Variants in SRGAP2B observed in about 807,000 individuals in gnomAD.
The protein encoded by SRGAP2B is SLIT-ROBO Rho GTPase-activating protein 2B.
In SRGAP2B, 9 loss-of-function variants were observed where a neutral mutation model predicts 22.2. That is an observed-to-expected ratio of 0.41 (90% CI 0.24 to 0.71). The LOEUF is 0.71. Among genes scored for constraint, SRGAP2B ranks in the 30% least tolerant of loss-of-function variants. The probability of loss-of-function intolerance (pLI) is 0.35; values close to 1 mark genes in which losing one functional copy is unlikely to be tolerated. For synonymous variants in SRGAP2B, 36 were observed against 87.4 expected, an observed-to-expected ratio of 0.41 and a Z score of 3.28; for missense variants, 114 against 235.8, an observed-to-expected ratio of 0.48 and a Z score of 3.38.
At chr1:145,035,750 T>C (rs1412640112) in intron 2 of SRGAP2B, among the ~76,000 whole-genome samples, 2 of 118,372 alleles carry the variant, frequency 1.7e-5, no homozygotes, top group South Asian at 3.0e-4. Context: ...AGAACCTTTA[T>C]AGGAAAAAAA....
chr1:144,898,921 A>T, intron 7 of SRGAP2B, among the ~76,000 whole-genome samples: 1 of 147,670 alleles, frequency 6.8e-6, no homozygotes, highest in Middle Eastern at 3.4e-3. Context: ...AAAGCGGCTC[A>T]TTAGGACGCT....
chr1:144,959,171 G>A (rs1667492580), intron 3 of SRGAP2B, among the ~76,000 whole-genome samples: 1 of 150,106 alleles, frequency 6.7e-6, no homozygotes, highest in South Asian at 2.1e-4. Flanking sequence ...GGCCTAGGCT[G>A]GGTTCATGTG....
At position 144,984,181 on chromosome 1, in the gene SRGAP2B, G is replaced by T. The variant is rs1161864211; in HGVS notation, c.260+10827C>A. Among the ~76,000 whole-genome samples the T allele has an allele frequency of 4.7e-4, 71 of 150,182 alleles. 3 individuals carry two copies. Among genetic ancestry groups the T allele is most frequent in the African/African-American group, 1.7e-3 (69 of 39,918 alleles). On this transcript the variant is annotated intron_variant, in intron 3 of 9. Coordinates refer to ENST00000612199, the Ensembl canonical transcript of SRGAP2B. ...ACTAAAAATACAAAATTAGCCTGGCGTCGTGGCGCATGCCTGTAATCCCAG... is the reference window on the plus strand; with the variant it reads ...ACTAAAAATACAAAATTAGCCTGGCTTCGTGGCGCATGCCTGTAATCCCAG...
intron 2 of SRGAP2B, among the ~76,000 whole-genome samples, chr1:145,017,440 T>C (rs1672509410): frequency 6.8e-6 from 1 of 147,878 alleles, no homozygotes; most frequent in Non-Finnish European, 1.5e-5. Flanking sequence ...CCTTGGAAAT[T>C]TCATTTTCCT....
chr1:144,948,875 C>G (rs1305681059), intron 4 of SRGAP2B, among the ~76,000 whole-genome samples: 4 of 99,672 alleles, frequency 4.0e-5, no homozygotes, highest in African/African-American at 1.8e-4. Flanking sequence ...CATAAGGTAA[C>G]ATTCACAGGT....
chr1:144,914,274 A>G (rs1387627300), intron 5 of SRGAP2B, among the ~76,000 whole-genome samples: 1 of 151,752 alleles, frequency 6.6e-6, no homozygotes, highest in African/African-American at 2.4e-5. Flanking sequence ...AAAGCCATAC[A>G]TCAATCCAAG....
intron 4 of SRGAP2B, among the ~76,000 whole-genome samples, chr1:144,917,712 G>A (rs2101757174): frequency 2.2e-5 from 3 of 138,878 alleles, no homozygotes; most frequent in African/African-American, 9.5e-5. Flanking sequence ...CTGGCTGAGG[G>A]TTGGGCTGGG....
chr1:145,020,512 T>C (rs1269763825), intron 2 of SRGAP2B, among the ~76,000 whole-genome samples: 1 of 147,158 alleles, frequency 6.8e-6, no homozygotes, highest in Non-Finnish European at 1.5e-5. Context: ...CTACCCAGCA[T>C]TCTTGATGCT....
chr1:144,925,728 AAAG>A (rs1238718554), intron 4 of SRGAP2B, among the ~76,000 whole-genome samples: 2 of 9,100 alleles, frequency 2.2e-4, no homozygotes, highest in Non-Finnish European at 5.2e-4. Flanking sequence ...GAGAGAAAGA[AAAG>A]AAAGAAAGAA....
intron 4 of SRGAP2B, among the ~76,000 whole-genome samples, chr1:144,925,788 A>G (rs1570756620): frequency 9.7e-6 from 1 of 103,004 alleles, no homozygotes; most frequent in African/African-American, 3.5e-5. Flanking sequence ...AGAAAGAAAG[A>G]AAGAAAGGAG....
rs1176104247 is a variant in SRGAP2B at position 145,093,858 on chromosome 1, A to C, written c.-542-415T>G. 7.0e-5 allele frequency among the ~76,000 whole-genome samples: 10 copies of C among 143,834 alleles called. 2 individuals are homozygous for C. Among genetic ancestry groups the C allele is most frequent in the African/African-American group, 2.7e-4 (10 of 36,878 alleles). 94.4% of individuals were successfully genotyped at this position (143,834 alleles called of 152,430 possible). A position where few individuals can be genotyped will look rare whatever the true frequency, so the allele number is the denominator to read the frequency against. ...CAAAGGGGATCAAAGCCGGGGAGGG[A>C]CAAGCCACCAGGGCACAACTTTTCT... On this transcript the variant is annotated intron_variant, in intron 1 of 9. Coordinates refer to ENST00000612199, the Ensembl canonical transcript of SRGAP2B.
intron 4 of SRGAP2B, among the ~76,000 whole-genome samples, chr1:144,951,032 G>C (rs1666812544): frequency 6.7e-6 from 1 of 150,370 alleles, no homozygotes; most frequent in Admixed American, 6.6e-5. Context: ...TGTTTTTGTA[G>C]AGACGGGGTT....
intron 3 of SRGAP2B, among the ~76,000 whole-genome samples, chr1:144,960,608 A>G (rs1426376925): frequency 6.7e-6 from 1 of 149,974 alleles, no homozygotes; most frequent in Non-Finnish European, 1.5e-5. Flanking sequence ...TGGCCTCTCT[A>G]TTATGGTTCT....
chr1:145,080,667 C>T (rs1229734904), intron 2 of SRGAP2B, among the ~76,000 whole-genome samples: 2 of 148,046 alleles, frequency 1.4e-5, no homozygotes, highest in African/African-American at 5.2e-5. Context: ...TCTCCTGCCT[C>T]AGGCTCCCAA....
chr1:145,007,380 G>T (rs1553621297), intron 2 of SRGAP2B, among the ~76,000 whole-genome samples: 1 of 150,636 alleles, frequency 6.6e-6, no homozygotes, highest in Non-Finnish European at 1.5e-5. Context: ...TTAACAAAAA[G>T]AATCCCCGAA....
chr1:144,997,085 G>A (rs1424301345), intron 2 of SRGAP2B, among the ~76,000 whole-genome samples: 1 of 150,444 alleles, frequency 6.6e-6, no homozygotes, highest in Non-Finnish European at 1.5e-5. Flanking sequence ...ACTGTACATT[G>A]AGAGGGCATT....
intron 2 of SRGAP2B, among the ~76,000 whole-genome samples, chr1:145,064,451 A>C (rs1458757813): frequency 6.8e-6 from 1 of 147,142 alleles, no homozygotes; most frequent in Non-Finnish European, 1.5e-5. Flanking sequence ...TGGGGAGTAC[A>C]GGGCAAAACC....
intron 4 of SRGAP2B, among the ~76,000 whole-genome samples, chr1:144,953,017 GA>G (rs1171106844): frequency 6.9e-6 from 1 of 144,898 alleles, no homozygotes; most frequent in Non-Finnish European, 1.5e-5. Context: ...AAGGGAGGGA[GA>G]AAAGAGATTA....
chr1:145,062,914 T>C (rs2102412951), intron 2 of SRGAP2B, among the ~76,000 whole-genome samples: 1 of 145,280 alleles, frequency 6.9e-6, no homozygotes, highest in South Asian at 2.2e-4. Context: ...TTATTTTTAC[T>C]CTCTGCCAAT....
Sources: gnomAD v4.1 joint callset for allele counts (sites outside exome capture counted in the v4.1 genomes callset) on GRCh38, gnomAD v4.1.1 for gene constraint, MANE v1.5 for transcripts, NCBI Gene and HGNC (gene_info 2026-07-23, HGNC 2026-07-21) for gene names.